The following RLF variants were observed in gnomAD, a reference collection of about 807,000 sequenced individuals.
RLF encodes the protein RLF zinc finger, also known as zinc finger protein Rlf.
A neutral mutation model predicts 162.9 loss-of-function variants in RLF; 7 were observed. That is an observed-to-expected ratio of 0.04 (90% CI 0.02 to 0.08). The LOEUF (loss-of-function observed/expected upper bound fraction) is 0.08, where lower values mean the gene tolerates loss of function less well. Among genes scored for constraint, RLF ranks in the 10% least tolerant of loss-of-function variants. The pLI is 1.00. For synonymous variants in RLF, 782 were observed against 791.5 expected, an observed-to-expected ratio of 0.99 and a Z score of 0.20; for missense variants, 1,664 against 2,244.7, an observed-to-expected ratio of 0.74 and a Z score of 5.23.
intron 1 of RLF, among the ~76,000 whole-genome samples, chr1:40,166,439 G>A (rs945674377): frequency 1.3e-5 from 2 of 151,984 alleles, no homozygotes; most frequent in African/African-American, 4.8e-5. Context: ...ACAGTGTGGC[G>A]ATTCCTCAAG....
In RLF at chr1:40,221,606, CA is replaced by C. The variant is rs570762400; in HGVS notation, c.811-956del. 9.7e-3 allele frequency among the ~76,000 whole-genome samples: 1,264 copies of C among 130,456 alleles called. 13 individuals are homozygous for C. The highest frequency in any genetic ancestry group is 0.028 in the African/African-American group (994 of 35,874). The allele number at this position is 130,456 out of a possible 152,430, so 85.6% of individuals were successfully genotyped here. A position where few individuals can be genotyped will look rare whatever the true frequency, so the allele number is the denominator to read the frequency against. On this transcript the variant is annotated intron_variant, in intron 5 of 7. Transcript: ENST00000372771. The stretch of plus-strand genomic sequence containing the variant: ...GCTGTTTACCTCATTTGCTCTGATG[CA>C]AAAAAAAAAAAGGCCGGGCACGGTG...
intron 2 of RLF, among the ~76,000 whole-genome samples, chr1:40,189,691 T>C (rs911868506): frequency 6.6e-6 from 1 of 152,056 alleles, no homozygotes; most frequent in African/African-American, 2.4e-5. Context: ...CCCAGCACTT[T>C]GGGAAGAGGC....
chr1:40,191,594 A>C (rs141477423), intron 3 of RLF, among the ~76,000 whole-genome samples: 1 of 151,824 alleles, frequency 6.6e-6, no homozygotes, highest in African/African-American at 2.4e-5. Flanking sequence ...GTACATACCT[A>C]TAGTCCCAGC....
chr1:40,162,939 C>T (rs1642116473), intron 1 of RLF, among the ~76,000 whole-genome samples: 1 of 152,090 alleles, frequency 6.6e-6, no homozygotes, highest in Non-Finnish European at 1.5e-5. Flanking sequence ...TTACCAAGTG[C>T]TGGGGAAACA....
chr1:40,200,926 A>ACACACG (rs1557748548), intron 4 of RLF, among the ~76,000 whole-genome samples: 2 of 122,710 alleles, frequency 1.6e-5, no homozygotes, highest in African/African-American at 7.2e-5. Flanking sequence ...ACACACACAC[A>ACACACG]CACACACACA....
intron 1 of RLF, among the ~76,000 whole-genome samples, chr1:40,178,991 C>G (rs898427680): frequency 6.6e-6 from 1 of 152,030 alleles, no homozygotes; most frequent in Non-Finnish European, 1.5e-5. Flanking sequence ...TGTGCCACCA[C>G]GCCCGGCTAA....
intron 1 of RLF, among the ~76,000 whole-genome samples, chr1:40,179,175 G>A (rs939721185): frequency 2.6e-5 from 4 of 152,170 alleles, no homozygotes; most frequent in Non-Finnish European, 4.4e-5. Flanking sequence ...TAGGATGCTG[G>A]TACAAAATGG....
intron 4 of RLF, 115 bp from the exon 5 acceptor site, chr1:40,202,297 A>T: frequency 1.5e-6 from 1 of 679,728 alleles, no homozygotes; most frequent in South Asian, 2.0e-5. Flanking sequence ...TCATTTATAT[A>T]AACTAAATTT....
At chr1:40,172,894 GT>G (rs1642264825) in intron 1 of RLF, among the ~76,000 whole-genome samples, 1 of 152,160 alleles carries the variant, frequency 6.6e-6, no homozygotes, top group African/African-American at 2.4e-5. Flanking sequence ...GAATGTTTAA[GT>G]TTTGATGGAT....
chr1:40,186,233 C>T (rs1642478719), intron 1 of RLF, among the ~76,000 whole-genome samples: 1 of 151,878 alleles, frequency 6.6e-6, no homozygotes, highest in Non-Finnish European at 1.5e-5. Flanking sequence ...ACTTGGGAGG[C>T]TGAAGTGGGA....
At chr1:40,165,793 G>T (rs1381766360) in intron 1 of RLF, among the ~76,000 whole-genome samples, 2 of 151,420 alleles carry the variant, frequency 1.3e-5, no homozygotes, top group Non-Finnish European at 2.9e-5. Flanking sequence ...CCCCCCCTCC[G>T]CCAAAGGAAA....
chr1:40,221,210 C>A (rs1284420613), intron 5 of RLF, among the ~76,000 whole-genome samples: 1 of 151,190 alleles, frequency 6.6e-6, no homozygotes, highest in Admixed American at 6.6e-5. Flanking sequence ...ATAAATAGCC[C>A]AATTTAAACA....
At chr1:40,218,167 T>C (rs181302561) in intron 5 of RLF, among the ~76,000 whole-genome samples, 1 of 152,316 alleles carries the variant, frequency 6.6e-6, no homozygotes, top group Non-Finnish European at 1.5e-5. Context: ...CATGAGTAAG[T>C]TTCAGATCCT....
At chr1:40,166,717 A>G (rs1012334553) in intron 1 of RLF, among the ~76,000 whole-genome samples, 1 of 152,070 alleles carries the variant, frequency 6.6e-6, no homozygotes, top group African/African-American at 2.4e-5. Flanking sequence ...ACATGGATGA[A>G]GCTGGAAACC....
intron 1 of RLF, among the ~76,000 whole-genome samples, chr1:40,168,826 T>C (rs563506013): frequency 5.1e-4 from 77 of 151,910 alleles, no homozygotes; most frequent in African/African-American, 1.4e-3. Flanking sequence ...ACCCCATCTC[T>C]ACTAAAAATA....
intron 7 of RLF, among the ~76,000 whole-genome samples, chr1:40,235,447 A>G (rs922581461): frequency 6.6e-6 from 1 of 152,140 alleles, no homozygotes; most frequent in East Asian, 1.9e-4. Context: ...TCTACTCAAC[A>G]TCATTCTATT....
At chr1:40,204,175 CT>C (rs533380404) in intron 5 of RLF, among the ~76,000 whole-genome samples, 216 of 151,988 alleles carry the variant, frequency 1.4e-3, no homozygotes, top group African/African-American at 4.9e-3. Context: ...ACCACCACGC[CT>C]GGCTAATTTT....
In RLF at chr1:40,205,405, T is replaced by C. The variant is rs180716046; in HGVS notation, c.810+2791T>C. ...AGATCCTGTTTCTACTTTTAGCTAC[T>C]GCCCCATTTCCTTCTGGCTTTTTAA... On this transcript the variant is annotated intron_variant, in intron 5 of 7. Transcript: ENST00000372771. Among the ~76,000 whole-genome samples, 1,037 of 152,088 alleles carry C rather than the reference T, an allele frequency of 6.8e-3. 6 individuals are homozygous for C. The highest frequency in any genetic ancestry group is 0.011 in the Non-Finnish European group (734 of 67,990).
Position 40,162,964 on chromosome 1 carries a change from C to T in RLF, c.237+1328C>T, listed in dbSNP as rs554743511. On this transcript the variant is annotated intron_variant, in intron 1 of 7. Transcript: ENST00000372771. ...CTGGGGAAACATGAGTAAGACAGCA[C>T]TTAGCCTTGATGAACTTACAGTTGG... Among the ~76,000 whole-genome samples the T allele has an allele frequency of 2.0e-5, 3 of 152,216 alleles. No individual in the cohort carries two copies. In the South Asian group the frequency reaches 6.2e-4, roughly 32 times the overall value.
Sources: gnomAD v4.1 joint callset for allele counts (sites outside exome capture counted in the v4.1 genomes callset) on GRCh38, gnomAD v4.1.1 for gene constraint, MANE v1.5 for transcripts, NCBI Gene and HGNC (gene_info 2026-07-23, HGNC 2026-07-21) for gene names.